The following THADA variants were observed in gnomAD, a reference collection of about 807,000 sequenced individuals.
THADA encodes the protein THADA armadillo repeat containing, also known as tRNA (32-2'-O)-methyltransferase regulator THADA.
In THADA, 213 loss-of-function variants were observed where a neutral mutation model predicts 219.8. The observed-to-expected ratio is 0.97, with a 90% confidence interval of 0.87 to 1.09. The LOEUF (loss-of-function observed/expected upper bound fraction) is 1.09, where lower values mean the gene tolerates loss of function less well. Ranked by LOEUF, THADA falls within the 50% of genes least tolerant of loss-of-function variation. The pLI is 0.00. For missense variants in THADA, 2,956 were observed against 2,311.3 expected (o/e 1.28, Z -5.72); for synonymous variants, 1,018 against 828.9 (o/e 1.23, Z -3.92).
chr2:43,376,556 G>C (rs1239005923), intron 29 of THADA, among the ~76,000 whole-genome samples: 1 of 152,198 alleles, frequency 6.6e-6, no homozygotes, highest in Non-Finnish European at 1.5e-5. Context: ...GTCTCACTTA[G>C]AAGCAAAACA....
At chr2:43,371,313 T>C (rs772514069) in intron 29 of THADA, among the ~76,000 whole-genome samples, 2 of 152,208 alleles carry the variant, frequency 1.3e-5, no homozygotes, top group Non-Finnish European at 2.9e-5. Flanking sequence ...GCAATACAAC[T>C]TGAAGTTCCA....
In THADA at chr2:43,432,209, C is replaced by T. The variant is rs558118021; in HGVS notation, c.3837-1907G>A. ...GTTTCACCGTGTTAGCCAGGATGGT[C>T]TCGATCTCCTGACCTTGTGATCCGC... On this transcript the variant is annotated intron_variant, in intron 26 of 37. Coordinates refer to ENST00000405975, the MANE Select transcript of THADA (RefSeq NM_022065.5). Among the ~76,000 whole-genome samples the T allele has an allele frequency of 4.6e-5, 7 of 151,996 alleles. No homozygotes were observed. In the East Asian group the frequency reaches 1.4e-3, roughly 29 times the overall value.
chr2:43,550,490 C>G (rs898951563), intron 19 of THADA, among the ~76,000 whole-genome samples: 2 of 152,134 alleles, frequency 1.3e-5, no homozygotes, highest in Admixed American at 6.5e-5. Flanking sequence ...TTCAATTTTA[C>G]AGCTTTCAGG....
chr2:43,373,555 C>T (rs181775035), intron 29 of THADA, among the ~76,000 whole-genome samples: 1 of 152,154 alleles, frequency 6.6e-6, no homozygotes, highest in East Asian at 1.9e-4. Flanking sequence ...TGGCTCACTG[C>T]AACCTCCACC....
At chr2:43,560,535 A>C in intron 15 of THADA, 150 bp from the exon 16 acceptor site, 1 of 475,268 alleles carries the variant, frequency 2.1e-6, no homozygotes, top group Non-Finnish European at 3.5e-6. Context: ...CTTTTCCATT[A>C]ATTTATTTCT....
intron 29 of THADA, among the ~76,000 whole-genome samples, chr2:43,396,819 A>AG (rs1674104260): frequency 6.6e-6 from 1 of 152,152 alleles, no homozygotes; most frequent in Non-Finnish European, 1.5e-5. Flanking sequence ...TCAAAAAAAA[A>AG]GAAGAAAGAA....
At chr2:43,591,707 G>C in intron 3 of THADA, among the ~76,000 whole-genome samples, 1 of 151,982 alleles carries the variant, frequency 6.6e-6, no homozygotes, top group Non-Finnish European at 1.5e-5. Flanking sequence ...CCACAAAAGA[G>C]GTATGCACAT....
chr2:43,586,077 C>A (rs1700992098), intron 7 of THADA, among the ~76,000 whole-genome samples: 2 of 151,920 alleles, frequency 1.3e-5, no homozygotes, highest in Non-Finnish European at 2.9e-5. Flanking sequence ...CCAGCCTGGG[C>A]AACATAGTGA....
chr2:43,496,409 G>C (rs986715330), intron 25 of THADA, among the ~76,000 whole-genome samples: 6 of 152,098 alleles, frequency 3.9e-5, no homozygotes, highest in African/African-American at 1.4e-4. Flanking sequence ...TATTACAAAA[G>C]AAAATGCGAC....
intron 26 of THADA, among the ~76,000 whole-genome samples, chr2:43,438,615 T>G (rs924045510): frequency 1.3e-5 from 2 of 152,092 alleles, no homozygotes; most frequent in Admixed American, 1.3e-4. Context: ...AACTGTAGTA[T>G]AGTAGTCCCC....
intron 14 of THADA, among the ~76,000 whole-genome samples, 176 bp downstream of exon 14, chr2:43,570,212 C>T (rs1029539119): frequency 1.3e-5 from 2 of 152,128 alleles, no homozygotes; most frequent in African/African-American, 4.8e-5. Flanking sequence ...GGTTCCATAA[C>T]CCAGGCTACA....
chr2:43,427,269 G>A (rs573472935), intron 28 of THADA, among the ~76,000 whole-genome samples: 17 of 152,258 alleles, frequency 1.1e-4, no homozygotes, highest in African/African-American at 4.1e-4. Context: ...AGCCTGCTCC[G>A]TGCTAGCCAG....
intron 16 of THADA, among the ~76,000 whole-genome samples, chr2:43,558,810 A>T (rs1180485836): frequency 6.6e-6 from 1 of 152,196 alleles, no homozygotes; most frequent in East Asian, 1.9e-4. Flanking sequence ...CAAATATATA[A>T]TTAATATTTT....
At chr2:43,443,044 C>T (rs17030798) in intron 26 of THADA, among the ~76,000 whole-genome samples, 12,688 of 152,252 alleles carry the variant, frequency 0.083, 594 homozygotes, top group South Asian at 0.14. Context: ...ACACCCTTTG[C>T]TTTCCCTAAC....
At chr2:43,570,603 C>A in intron 13 of THADA, 93 bp from the exon 14 acceptor site, 5 of 1,313,148 alleles carry the variant, frequency 3.8e-6, no homozygotes, top group Non-Finnish European at 5.1e-6. Flanking sequence ...AAACTTCAGG[C>A]AAGAAGAGTA....
chr2:43,586,832 G>C (rs771133806), intron 5 of THADA, 22 bp downstream of exon 5: 3 of 1,612,474 alleles, frequency 1.9e-6, no homozygotes, highest in South Asian at 2.2e-5. Flanking sequence ...CCAGAAAAAG[G>C]ACTAGAAAAG....
At chr2:43,570,305 T>G (rs1309231196) in intron 14 of THADA, 83 bp downstream of exon 14, 5 of 1,321,470 alleles carry the variant, frequency 3.8e-6, no homozygotes, top group Non-Finnish European at 3.1e-6. Flanking sequence ...ACCAAGAGAC[T>G]TCCATTTATT....
At chr2:43,337,461 A>C (rs1558602610) in intron 30 of THADA, among the ~76,000 whole-genome samples, 1 of 152,212 alleles carries the variant, frequency 6.6e-6, no homozygotes. Flanking sequence ...ATCTCCTCAT[A>C]CGAAGCTTGG....
chr2:43,562,846 C>A (rs1160051181), intron 15 of THADA: 1 of 152,124 alleles, frequency 6.6e-6, no homozygotes, highest in Non-Finnish European at 1.5e-5. Context: ...GGTTATCTAA[C>A]TTGTTGGTGT....
Sources: allele counts gnomAD v4.1 joint callset (sites outside exome capture counted in the v4.1 genomes callset), GRCh38; gene constraint gnomAD v4.1.1; transcripts MANE v1.5; gene names NCBI Gene and HGNC (gene_info 2026-07-23, HGNC 2026-07-21).